CRK: variants seen among roughly 807,000 people sequenced by gnomAD.
CRK encodes adapter molecule crk.
Under a neutral mutation model 29.8 loss-of-function variants are expected in CRK, and 4 were observed. The ratio of observed to expected loss-of-function variants is 0.13; its 90% CI spans 0.07 to 0.31. CRK has a LOEUF of 0.31. Ranked by LOEUF, CRK falls within the 10% of genes least tolerant of loss-of-function variation. CRK has a pLI of 1.00. For missense variants in CRK, 274 were observed against 396.5 expected (o/e 0.69, Z 2.62); for synonymous variants, 153 against 164.9 (o/e 0.93, Z 0.55).
chr17:1,455,704 A>T (rs2074050936), intron 1 of CRK, among the ~76,000 whole-genome samples, 173 bp downstream of exon 1: 1 of 150,530 alleles, frequency 6.6e-6, no homozygotes, highest in Admixed American at 6.6e-5. Context: ...CTCCTCCCCC[A>T]CACTCCTGCT....
intron 1 of CRK, among the ~76,000 whole-genome samples, chr17:1,448,787 CA>C (rs1238359934): frequency 1.3e-5 from 2 of 151,954 alleles, no homozygotes; most frequent in African/African-American, 2.4e-5. Context: ...AGATGCTTCT[CA>C]AAAGTTCTGT....
chr17:1,453,378 A>C (rs1265905216), intron 1 of CRK, among the ~76,000 whole-genome samples: 1 of 152,224 alleles, frequency 6.6e-6, no homozygotes, highest in Non-Finnish European at 1.5e-5. Context: ...TTTGGCAACC[A>C]ACAAACACAA....
chr17:1,454,397 G>A (rs1472279825), intron 1 of CRK, among the ~76,000 whole-genome samples: 2 of 152,016 alleles, frequency 1.3e-5, no homozygotes, highest in African/African-American at 4.8e-5. Context: ...AACATTAGCT[G>A]GTTATGGTGG....
chr17:1,455,560 T>C (rs2074049637), intron 1 of CRK, among the ~76,000 whole-genome samples: 1 of 152,132 alleles, frequency 6.6e-6, no homozygotes, highest in South Asian at 2.1e-4. Context: ...CCTCAGCTCT[T>C]TGTCCCCACG....
chr17:1,449,937 G>A (rs1250922977), intron 1 of CRK, among the ~76,000 whole-genome samples: 8 of 152,268 alleles, frequency 5.3e-5, no homozygotes, highest in South Asian at 2.1e-4. Context: ...GGTGGCTCAC[G>A]CCTGTAATCC....
Position 1,442,984 on chromosome 17 carries a change from C to CTT in CRK, c.242-5831_242-5830dup, listed in dbSNP as rs34493870. ...AGCTCACAGCAACCTCCCTTTCTTT[C>CTT]TTTTTTTTTTTTGAGACGGACTCTT... On this transcript the variant is annotated intron_variant, in intron 1 of 2. Coordinates refer to ENST00000300574, the MANE Select transcript of CRK (RefSeq NM_016823.4). Among the ~76,000 whole-genome samples, 87 of 140,106 alleles carry CTT rather than the reference C, an allele frequency of 6.2e-4. 1 individual carries two copies. The highest frequency in any genetic ancestry group is 7.2e-4 in the Admixed American group (10 of 13,886). The allele number at this position is 140,106 out of a possible 152,430, so 91.9% of individuals were successfully genotyped here.
Position 1,456,185 on chromosome 17 carries a change from C to G in CRK, c.-68G>C. The G allele has an allele frequency of 7.3e-7, 1 of 1,366,172 alleles. No individual in the cohort carries two copies. Among genetic ancestry groups the G allele is most frequent in the Non-Finnish European group, 9.4e-7 (1 of 1,064,336 alleles). 84.6% of individuals were successfully genotyped at this position (1,366,172 alleles called of 1,614,324 possible). On this transcript the variant is annotated 5_prime_UTR_variant, in exon 1 of 3. Coordinates refer to ENST00000300574, the MANE Select transcript of CRK (RefSeq NM_016823.4). ...CGCCCCTCCGGCCCCCGGCGCCCGC[C>G]GCCCAGCGGACCGGCTCCGGTTTCA...
rs192162819 is a variant in CRK at position 1,449,669 on chromosome 17, C to T, written c.241+6208G>A. Reference sequence around the variant, plus strand: ...AGCTGTGTCAACCTGAAAGGTTTAGCTGTTCAAGAGAAAAAAAACTAGTTT... The same window carrying T: ...AGCTGTGTCAACCTGAAAGGTTTAGTTGTTCAAGAGAAAAAAAACTAGTTT... On this transcript the variant is annotated intron_variant, in intron 1 of 2. Transcript: ENST00000300574. Among the ~76,000 whole-genome samples the T allele has an allele frequency of 1.6e-3, 248 of 152,258 alleles. 1 individual carries two copies. Among genetic ancestry groups the T allele is most frequent in the African/African-American group, 5.5e-3 (230 of 41,562 alleles).
chr17:1,430,138 G>C (rs982391203), intron 2 of CRK, among the ~76,000 whole-genome samples: 2 of 151,350 alleles, frequency 1.3e-5, no homozygotes, highest in Admixed American at 6.6e-5. Flanking sequence ...TCCACCTCCC[G>C]GGTTCAAGTG....
At chr17:1,454,729 A>C (rs2074043198) in intron 1 of CRK, among the ~76,000 whole-genome samples, 1 of 152,196 alleles carries the variant, frequency 6.6e-6, no homozygotes, top group Non-Finnish European at 1.5e-5. Context: ...CAACAGCGTG[A>C]AGGCACGAGG....
Position 1,423,126 on chromosome 17 carries a change from A to G in CRK, c.*387T>C, listed in dbSNP as rs943289044. On this transcript the variant is annotated 3_prime_UTR_variant, in exon 3 of 3. Transcript: ENST00000300574. ...GAACAGTCTGTCGCCATTTGATAGT[A>G]TGGTTCCAGAATGAAAACAAAACCA... 2.3e-6 allele frequency: 1 copy of G among 428,814 alleles called. No homozygotes were observed. The highest frequency in any genetic ancestry group is 4.1e-6 in the Non-Finnish European group (1 of 244,574). The allele number at this position is 428,814 out of a possible 1,614,324, so 26.6% of individuals were successfully genotyped here.
rs1292024313 is a variant in CRK at position 1,448,620 on chromosome 17, C to CAAAAAA, written c.241+7251_241+7256dup. Among the ~76,000 whole-genome samples the CAAAAAA allele has an allele frequency of 2.6e-3, 85 of 32,168 alleles. 6 individuals are homozygous for CAAAAAA. Among genetic ancestry groups the CAAAAAA allele is most frequent in the African/African-American group, 8.2e-3 (47 of 5,704 alleles). The allele number at this position is 32,168 out of a possible 152,430, so 21.1% of individuals were successfully genotyped here. A position where few individuals can be genotyped will look rare whatever the true frequency, so the allele number is the denominator to read the frequency against. On this transcript the variant is annotated intron_variant, in intron 1 of 2. Transcript: ENST00000300574. Reference sequence around the variant, plus strand: ...CCTGGGTGAGAGCAAGACTCCATCTCAAAAAAAAAAAAAAAAAAAAAAGAA... The same window carrying CAAAAAA: ...CCTGGGTGAGAGCAAGACTCCATCTCAAAAAAAAAAAAAAAAAAAAAAAAAAAAGAA...
At chr17:1,447,565 G>GCGAC (rs2073984773) in intron 1 of CRK, among the ~76,000 whole-genome samples, 1 of 151,402 alleles carries the variant, frequency 6.6e-6, no homozygotes, top group Non-Finnish European at 1.5e-5. Flanking sequence ...GTCTACAAGA[G>GCGAC]CGGGCCAGGC....
intron 2 of CRK, among the ~76,000 whole-genome samples, chr17:1,427,277 G>C (rs1055592769): frequency 1.4e-5 from 2 of 142,436 alleles, no homozygotes; most frequent in Non-Finnish European, 3.0e-5. Flanking sequence ...GAGAGACCAA[G>C]ATTCTGTCTC....
At chr17:1,440,445 C>T (rs12450125) in intron 1 of CRK, among the ~76,000 whole-genome samples, 19,315 of 151,456 alleles carry the variant, frequency 0.13, 1,468 homozygotes, top group African/African-American at 0.2. Flanking sequence ...CCTGGGGGAC[C>T]GAGCAAGACC....
At chr17:1,430,152 C>G (rs908467458) in intron 2 of CRK, among the ~76,000 whole-genome samples, 1 of 151,138 alleles carries the variant, frequency 6.6e-6, no homozygotes, top group Admixed American at 6.6e-5. Flanking sequence ...TCAAGTGATT[C>G]TCCTGCCTCA....
chr17:1,431,996 T>TG (rs1204484586), intron 2 of CRK, among the ~76,000 whole-genome samples: 3 of 152,178 alleles, frequency 2.0e-5, no homozygotes, highest in Non-Finnish European at 2.9e-5. Flanking sequence ...ATACAGGACT[T>TG]GAAGTACTAC....
chr17:1,451,317 G>A (rs906331938), intron 1 of CRK, among the ~76,000 whole-genome samples: 9 of 150,006 alleles, frequency 6.0e-5, no homozygotes, highest in Admixed American at 4.0e-4. Flanking sequence ...TGCAACCTCT[G>A]CCTCCGGGGT....
At chr17:1,448,223 T>G (rs886380091) in intron 1 of CRK, among the ~76,000 whole-genome samples, 3 of 152,130 alleles carry the variant, frequency 2.0e-5, no homozygotes, top group African/African-American at 7.2e-5. Context: ...GCAGGTTTGG[T>G]GCATTGTGGC....
Sources: gnomAD v4.1 joint callset for allele counts (sites outside exome capture counted in the v4.1 genomes callset) on GRCh38, gnomAD v4.1.1 for gene constraint, MANE v1.5 for transcripts, NCBI Gene and HGNC (gene_info 2026-07-23, HGNC 2026-07-21) for gene names.